The following GRM7 variants were observed in gnomAD, a reference collection of about 807,000 sequenced individuals.
GRM7 encodes metabotropic glutamate receptor 7.
GRM7 carries 35 observed loss-of-function variants against 84.5 expected under a neutral mutation model. That is an observed-to-expected ratio of 0.41 (90% CI 0.32 to 0.55). The LOEUF (loss-of-function observed/expected upper bound fraction) is 0.55, where lower values mean the gene tolerates loss of function less well. GRM7 is among the 20% of genes least tolerant of loss of function. The pLI is 0.19. For missense variants in GRM7, 1,003 were observed against 1,194.6 expected, an observed-to-expected ratio of 0.84 and a Z score of 2.36; for synonymous variants, 487 against 455.1, an observed-to-expected ratio of 1.07 and a Z score of -0.89.
At chr3:7,432,471 C>T (rs1419175600) in intron 5 of GRM7, among the ~76,000 whole-genome samples, 5 of 150,976 alleles carry the variant, frequency 3.3e-5, no homozygotes, top group African/African-American at 1.2e-4. Context: ...CAGGCATGTG[C>T]CACCACGCCC....
rs117961022 is a variant in GRM7, at chr3:7,480,343, G to A, written c.1515+18621G>A. Among the ~76,000 whole-genome samples, 27 of 152,308 alleles carry A rather than the reference G, an allele frequency of 1.8e-4. No individual in the cohort carries two copies. The East Asian group carries it at 4.6e-3, about 26-fold the overall frequency. ...TCTTAGGAAAAAGAAGTCTTAAGGG[G>A]AGTGATATATAGAAAAAGGAAGGGA... On this transcript the variant is annotated intron_variant, in intron 7 of 9. Transcript: ENST00000357716.
At chr3:6,881,049 T>C (rs1695489845) in intron 1 of GRM7, among the ~76,000 whole-genome samples, 1 of 152,198 alleles carries the variant, frequency 6.6e-6, no homozygotes, top group Non-Finnish European at 1.5e-5. Flanking sequence ...TATATGCCTG[T>C]ACATTGTCTC....
chr3:7,092,020 A>T (rs1559433729), intron 1 of GRM7, among the ~76,000 whole-genome samples: 1 of 151,772 alleles, frequency 6.6e-6, no homozygotes, highest in Admixed American at 6.6e-5. Flanking sequence ...ATTTATTTTA[A>T]TATTTTGAGA....
chr3:7,634,498 AAAAAG>A (rs1179566634), intron 8 of GRM7, among the ~76,000 whole-genome samples: 49 of 88,590 alleles, frequency 5.5e-4, no homozygotes, highest in South Asian at 9.2e-4. Context: ...AAAAAAAAAA[AAAAAG>A]GGCTGGGCTC....
intron 1 of GRM7, among the ~76,000 whole-genome samples, chr3:7,130,309 C>T (rs971565325): frequency 3.3e-5 from 5 of 151,948 alleles, no homozygotes; most frequent in Non-Finnish European, 4.4e-5. Context: ...TTTGGGAGAC[C>T]GAGGTGGGCG....
chr3:7,488,204 C>G (rs1009626076), intron 7 of GRM7, among the ~76,000 whole-genome samples: 6 of 152,092 alleles, frequency 3.9e-5, no homozygotes, highest in Non-Finnish European at 8.8e-5. Flanking sequence ...ATTTCACAGG[C>G]CCACACCTGG....
chr3:7,445,201 C>T (rs550702864), intron 5 of GRM7, among the ~76,000 whole-genome samples: 7 of 152,106 alleles, frequency 4.6e-5, no homozygotes, highest in East Asian at 1.9e-4. Flanking sequence ...AATCATGGCC[C>T]GCATGAACTT....
intron 1 of GRM7, among the ~76,000 whole-genome samples, chr3:6,938,276 T>C (rs1165108777): frequency 6.6e-6 from 1 of 152,214 alleles, no homozygotes; most frequent in Admixed American, 6.5e-5. Context: ...TCAACTTCTT[T>C]CCCATCATAA....
intron 4 of GRM7, among the ~76,000 whole-genome samples, chr3:7,409,329 T>C (rs1257507503): frequency 2.6e-5 from 4 of 152,194 alleles, no homozygotes; most frequent in African/African-American, 9.7e-5. Flanking sequence ...TAAATTAACT[T>C]GAACGGAATT....
chr3:7,158,202 G>A (rs370587226), intron 2 of GRM7, among the ~76,000 whole-genome samples: 44 of 152,128 alleles, frequency 2.9e-4, no homozygotes, highest in African/African-American at 1.0e-3. Context: ...GTAGGTAAGG[G>A]TTACTATTCT....
In GRM7 at chr3:7,318,017, G is replaced by A. The variant is rs563570665; in HGVS notation, c.1033+11365G>A. Among the ~76,000 whole-genome samples, 4 of 152,094 alleles carry A rather than the reference G, an allele frequency of 2.6e-5. No individual in the cohort carries two copies. In the South Asian group the frequency reaches 6.2e-4, roughly 24 times the overall value. On this transcript the variant is annotated intron_variant, in intron 4 of 9. Coordinates refer to ENST00000357716, the MANE Select transcript of GRM7 (RefSeq NM_000844.4). ...AGAAAGGGAGCCAAGTAAAGGTGAA[G>A]TCTAAAATCTGAAACTGAAAAAAAT...
chr3:7,338,279 A>C (rs952722921), intron 4 of GRM7, among the ~76,000 whole-genome samples: 2 of 151,934 alleles, frequency 1.3e-5, no homozygotes, highest in African/African-American at 4.8e-5. Flanking sequence ...CTCACCTATA[A>C]GAGGGAGCTA....
At chr3:7,142,629 A>G (rs1335489331) in intron 1 of GRM7, among the ~76,000 whole-genome samples, 2 of 152,108 alleles carry the variant, frequency 1.3e-5, no homozygotes, top group Admixed American at 6.6e-5. Flanking sequence ...TCTTGATGCA[A>G]TTTGGGTGGG....
chr3:7,203,432 GTGTT>G (rs1696132511), intron 2 of GRM7, among the ~76,000 whole-genome samples: 1 of 152,068 alleles, frequency 6.6e-6, no homozygotes, highest in Non-Finnish European at 1.5e-5. Flanking sequence ...TCGTGTACGT[GTGTT>G]TGTGTGTGTA....
At chr3:7,157,387 T>C (rs1046321534) in intron 2 of GRM7, among the ~76,000 whole-genome samples, 4 of 152,164 alleles carry the variant, frequency 2.6e-5, no homozygotes, top group Admixed American at 2.6e-4. Flanking sequence ...TTCTCTGTTC[T>C]TGTAGTGCAC....
intron 1 of GRM7, among the ~76,000 whole-genome samples, chr3:6,918,746 A>T (rs1253382253): frequency 1.3e-5 from 2 of 152,114 alleles, no homozygotes; most frequent in African/African-American, 4.8e-5. Flanking sequence ...GAGAAGATTA[A>T]AGGCTCAGAT....
At chr3:7,114,860 A>G (rs751516172) in intron 1 of GRM7, among the ~76,000 whole-genome samples, 2 of 152,070 alleles carry the variant, frequency 1.3e-5, no homozygotes, top group Non-Finnish European at 2.9e-5. Context: ...TGATCTCAGG[A>G]ACAATTGGAG....
intron 4 of GRM7, among the ~76,000 whole-genome samples, chr3:7,407,476 A>T (rs1695732191): frequency 6.6e-6 from 1 of 152,188 alleles, no homozygotes. Flanking sequence ...CCTCGAACTG[A>T]TATTAAAACT....
chr3:7,050,183 C>T (rs966589814), intron 1 of GRM7, among the ~76,000 whole-genome samples: 1 of 151,852 alleles, frequency 6.6e-6, no homozygotes, highest in African/African-American at 2.4e-5. Context: ...CTACATGTTC[C>T]ACACATTCAT....
Sources: gnomAD v4.1 joint callset for allele counts (sites outside exome capture counted in the v4.1 genomes callset) on GRCh38, gnomAD v4.1.1 for gene constraint, MANE v1.5 for transcripts, NCBI Gene and HGNC (gene_info 2026-07-23, HGNC 2026-07-21) for gene names.